Variants in CSMD3 observed in about 807,000 individuals in gnomAD.
CSMD3 encodes CUB and Sushi multiple domains 3, also known as CUB and sushi domain-containing protein 3.
Under a neutral mutation model 435.2 loss-of-function variants are expected in CSMD3, and 177 were observed. The ratio of observed to expected loss-of-function variants is 0.41; its 90% CI spans 0.36 to 0.46. CSMD3 has a LOEUF of 0.46. Ranked by LOEUF, CSMD3 falls within the 20% of genes least tolerant of loss-of-function variation. The pLI is 0.34. For missense variants in CSMD3, 4,265 were observed against 4,504.6 expected, an observed-to-expected ratio of 0.95 and a Z score of 1.52; for synonymous variants, 1,656 against 1,520.5, an observed-to-expected ratio of 1.09 and a Z score of -2.07.
intron 30 of CSMD3, among the ~76,000 whole-genome samples, chr8:112,503,070 T>C (rs1822139147): frequency 6.6e-6 from 1 of 152,306 alleles, no homozygotes; most frequent in South Asian, 2.1e-4. Context: ...ATTATGAATA[T>C]TGACATATTT....
chr8:113,289,655 C>T (rs1044204849), intron 2 of CSMD3, among the ~76,000 whole-genome samples: 1 of 151,600 alleles, frequency 6.6e-6, no homozygotes, highest in African/African-American at 2.4e-5. Context: ...CTCCCATAAA[C>T]CCTGCCACCT....
intron 13 of CSMD3, among the ~76,000 whole-genome samples, chr8:112,760,475 T>C (rs1007964192): frequency 1.4e-4 from 21 of 152,310 alleles, no homozygotes; most frequent in African/African-American, 4.1e-4. Context: ...TGTTAAATTA[T>C]CAATAACCAA....
At chr8:112,829,909 AC>A in intron 11 of CSMD3, 120 bp from the exon 12 acceptor site, 2 of 643,412 alleles carry the variant, frequency 3.1e-6, no homozygotes, top group South Asian at 1.8e-5. Flanking sequence ...ACACACACAC[AC>A]ACACACACAC....
chr8:112,281,314 C>T lies in CSMD3; in HGVS notation c.9368G>A (p.Gly3123Glu), dbSNP rs757548480. Reference sequence around the variant, plus strand: ...TGTGCCATCAATTCGGAAGACTTTCCCATTGGCTGTGGTTCCTGGGTTACC... The same window carrying T: ...TGTGCCATCAATTCGGAAGACTTTCTCATTGGCTGTGGTTCCTGGGTTACC... Reference protein sequence around the residue: ...QCGNPGTTANGKVFRIDGTTF... With the variant: ...QCGNPGTTANEKVFRIDGTTF... The change falls in exon 59 of 71, where the codon GGG (glycine) becomes GAG (glutamate). Residue 3123 changes from glycine to glutamate, a missense_variant. Physicochemically the swap from Gly to Glu is moderately conservative, Grantham distance 98. Transcript: ENST00000297405. The T allele has an allele frequency of 2.3e-5, 37 of 1,613,346 alleles. No individual in the cohort carries two copies. Among genetic ancestry groups the T allele is most frequent in the South Asian group, 8.8e-5 (8 of 91,062 alleles).
intron 12 of CSMD3, among the ~76,000 whole-genome samples, chr8:112,804,554 T>C (rs1270247489): frequency 6.6e-6 from 1 of 152,054 alleles, no homozygotes; most frequent in Admixed American, 6.6e-5. Flanking sequence ...GGGAAATAAT[T>C]TGGGAATGAC....
At chr8:113,109,332 G>A (rs927752741) in intron 4 of CSMD3, among the ~76,000 whole-genome samples, 1 of 152,092 alleles carries the variant, frequency 6.6e-6, no homozygotes, top group Admixed American at 6.6e-5. Flanking sequence ...GTCCTATTTC[G>A]ATATCATCTA....
intron 32 of CSMD3, among the ~76,000 whole-genome samples, chr8:112,423,113 C>T (rs769364150): frequency 3.9e-5 from 6 of 152,024 alleles, no homozygotes; most frequent in East Asian, 1.9e-4. Context: ...TGTTTCAGTT[C>T]GCCCAAAGAC....
At chr8:112,780,527 G>A (rs79587948) in intron 13 of CSMD3, among the ~76,000 whole-genome samples, 2,483 of 152,060 alleles carry the variant, frequency 0.016, 79 homozygotes, top group African/African-American at 0.056. Context: ...AGCAACCACA[G>A]TACCTGCTTT....
intron 40 of CSMD3, among the ~76,000 whole-genome samples, chr8:112,350,923 A>G (rs1257295505): frequency 2.0e-5 from 3 of 152,068 alleles, no homozygotes; most frequent in Non-Finnish European, 2.9e-5. Flanking sequence ...TAATTTCTAC[A>G]GCTTAAGTCA....
intron 53 of CSMD3, among the ~76,000 whole-genome samples, chr8:112,297,069 C>A (rs1820364885): frequency 1.3e-5 from 2 of 149,874 alleles, no homozygotes; most frequent in East Asian, 1.9e-4. Flanking sequence ...TAGTTTTTAT[C>A]TATTAAAATA....
At chr8:112,314,335 C>G in intron 48 of CSMD3, 94 bp downstream of exon 48, 3 of 931,442 alleles carry the variant, frequency 3.2e-6, no homozygotes, top group Non-Finnish European at 3.5e-6. Context: ...AAGATAAACT[C>G]ACATAAGCAG....
At chr8:112,299,133 C>T (rs369851360) in intron 53 of CSMD3, among the ~76,000 whole-genome samples, 10 of 152,146 alleles carry the variant, frequency 6.6e-5, no homozygotes, top group South Asian at 6.2e-4. Flanking sequence ...TAATGAATTT[C>T]TAGAACAGGG....
chr8:112,480,676 C>T (rs890120598), intron 31 of CSMD3, among the ~76,000 whole-genome samples: 4 of 152,100 alleles, frequency 2.6e-5, no homozygotes, highest in African/African-American at 7.2e-5. Context: ...AATCCCCCTT[C>T]ACCTTCCACC....
chr8:113,271,181 G>GC, intron 3 of CSMD3, among the ~76,000 whole-genome samples: 1 of 152,110 alleles, frequency 6.6e-6, no homozygotes, highest in Non-Finnish European at 1.5e-5. Context: ...TTTGCAGCCT[G>GC]ATGACGCAGT....
At chr8:112,851,868 A>G (rs1394824279) in intron 11 of CSMD3, among the ~76,000 whole-genome samples, 1 of 152,184 alleles carries the variant, frequency 6.6e-6, no homozygotes, top group Non-Finnish European at 1.5e-5. Flanking sequence ...ATTCCCCAGT[A>G]GAAAGAAAGT....
chr8:113,061,914 T>C (rs951086594), intron 5 of CSMD3, among the ~76,000 whole-genome samples: 2 of 151,874 alleles, frequency 1.3e-5, no homozygotes, highest in African/African-American at 4.8e-5. Flanking sequence ...ATTGTAATTA[T>C]TTCATTATGT....
At chr8:112,389,271 C>T (rs891559663) in intron 36 of CSMD3, among the ~76,000 whole-genome samples, 5 of 152,110 alleles carry the variant, frequency 3.3e-5, no homozygotes, top group Admixed American at 3.3e-4. Context: ...TATATAGATG[C>T]TCTTGAATAA....
At chr8:113,220,889 A>C (rs2092958743) in intron 3 of CSMD3, among the ~76,000 whole-genome samples, 1 of 151,388 alleles carries the variant, frequency 6.6e-6, no homozygotes, top group Admixed American at 6.6e-5. Flanking sequence ...ACCAAACATT[A>C]CCTGTGTAGT....
At chr8:112,259,554 C>T (rs1241117030) in intron 61 of CSMD3, among the ~76,000 whole-genome samples, 2 of 151,926 alleles carry the variant, frequency 1.3e-5, no homozygotes, top group Non-Finnish European at 2.9e-5. Flanking sequence ...CAAAACTGCA[C>T]GTTCTTCACC....
Sources: gnomAD v4.1 joint callset for allele counts (sites outside exome capture counted in the v4.1 genomes callset) on GRCh38, gnomAD v4.1.1 for gene constraint, MANE v1.5 for transcripts, NCBI Gene and HGNC (gene_info 2026-07-23, HGNC 2026-07-21) for gene names.